Variants in GPR108 observed in about 807,000 individuals in gnomAD.
GPR108 encodes G protein-coupled receptor 108.
A neutral mutation model predicts 74.3 loss-of-function variants in GPR108; 60 were observed. The observed-to-expected ratio is 0.81, with a 90% CI of 0.66 to 1.00. GPR108 has a LOEUF of 1.00. Ranked by LOEUF, GPR108 falls within the 50% of genes least tolerant of loss-of-function variation. GPR108 has a pLI of 0.00. For missense variants in GPR108, 667 were observed against 703.3 expected (o/e 0.95, Z 0.58); for synonymous variants, 311 against 292.4 (o/e 1.06, Z -0.65).
chr19:6,732,170 G>T lies in GPR108; in HGVS notation c.1126-15C>A. ...TTGGCCAGGACCTGCGCAGGCGGCG[G>T]GGGTGGGTGGGCACTGCCTGGCACG... On this transcript the variant is annotated splice_polypyrimidine_tract_variant and intron_variant, in intron 12 of 17. Coordinates refer to ENST00000264080, the MANE Select transcript of GPR108 (RefSeq NM_001080452.2). 4 of 1,613,200 alleles carry T rather than the reference G, an allele frequency of 2.5e-6. No homozygotes were observed. The highest frequency in any genetic ancestry group is 2.5e-6 in the Non-Finnish European group (3 of 1,179,932).
intron 17 of GPR108, 78 bp downstream of exon 17, chr19:6,730,909 G>GGCCCCC: frequency 1.5e-6 from 1 of 662,532 alleles, no homozygotes. Flanking sequence ...CCTCCCCCCT[G>GGCCCCC]CCCACCCTGC....
At position 6,732,371 on chromosome 19, in the gene GPR108, G is replaced by C. The variant is rs191033811; in HGVS notation, c.1017C>G (p.Gly339=). 1.2e-6 allele frequency: 2 copies of C among 1,613,442 alleles called. No homozygotes were observed. Among genetic ancestry groups the C allele is most frequent in the Middle Eastern group, 1.6e-4 (1 of 6,062 alleles). ...GGGCGATGGTGATGAAGAGGAGGGC[G>C]CCCTTCAGCCTGAAGGAGCAGGGGA... is the stretch of plus-strand genomic sequence containing the variant. ...VMYYIAHLLK[G]ALLFITIALI... is the part of the protein sequence containing the mutation. Residue 339 remains glycine (G), a synonymous_variant, in exon 12 of 18, where the codon GGC becomes GGG. Coordinates refer to ENST00000264080, the MANE Select transcript of GPR108 (RefSeq NM_001080452.2).
chr19:6,734,399 G>T, intron 4 of GPR108, 92 bp from the exon 5 acceptor site: 1 of 1,283,462 alleles, frequency 7.8e-7, no homozygotes. Context: ...GACCCTCTGC[G>T]TGTCCTCCCT....
At chr19:6,735,195 A>G (rs1381633727) in intron 4 of GPR108, among the ~76,000 whole-genome samples, 2 of 152,166 alleles carry the variant, frequency 1.3e-5, no homozygotes, top group East Asian at 1.9e-4. Context: ...GGCCCTAAGT[A>G]TATTATTTAA....
rs375715188 is a variant in GPR108, at chr19:6,732,970, C to T, written c.933+17G>A. The T allele has an allele frequency of 5.1e-3, 8,056 of 1,570,952 alleles. 29 individuals are homozygous for T. Among genetic ancestry groups the T allele is most frequent in the Non-Finnish European group, 6.4e-3 (7,383 of 1,158,858 alleles). On this transcript the variant is annotated intron_variant, in intron 10 of 17. Coordinates refer to ENST00000264080, the MANE Select transcript of GPR108 (RefSeq NM_001080452.2). ...TTTCAGCCCACCCCCCGCTGCTCCC[C>T]GGTCCAAGGCTCTCACGCTGTGGAA...
intron 10 of GPR108, 39 bp from the exon 11 acceptor site, chr19:6,732,588 A>C: frequency 8.0e-6 from 10 of 1,256,368 alleles, no homozygotes; most frequent in Non-Finnish European, 1.2e-5. Flanking sequence ...AGGCGCACAG[A>C]GGGGTGGGAG....
Position 6,731,885 on chromosome 19 carries a change from C to T in GPR108, c.1300+6G>A. 6.2e-7 allele frequency: 1 copy of T among 1,611,654 alleles called. No homozygotes were observed. The highest frequency in any genetic ancestry group is 8.5e-7 in the Non-Finnish European group (1 of 1,179,442). ...GAGCAGAGGGCCTGCAGGCGCAGGG[C>T]CTCACCCTTCCCGTCTGTGCCAGAC... On this transcript the variant is annotated splice_donor_region_variant and intron_variant, in intron 14 of 17. Transcript: ENST00000264080.
At chr19:6,730,958 G>T in intron 17 of GPR108, 29 bp downstream of exon 17, 1 of 1,145,474 alleles carries the variant, frequency 8.7e-7, no homozygotes. Context: ...CCCCAGAGCC[G>T]CCGGCCCTGC....
intron 14 of GPR108, 37 bp downstream of exon 14, chr19:6,731,854 G>A: frequency 1.2e-6 from 2 of 1,608,766 alleles, no homozygotes; most frequent in Non-Finnish European, 1.7e-6. Flanking sequence ...GGAGGAATGG[G>A]GCCATGAGCA....
Position 6,732,589 on chromosome 19 carries a change from G to A in GPR108, c.934-40C>T, listed in dbSNP as rs1234677778. On this transcript the variant is annotated intron_variant, in intron 10 of 17. Coordinates refer to ENST00000264080, the MANE Select transcript of GPR108 (RefSeq NM_001080452.2). The stretch of plus-strand genomic sequence containing the variant: ...ACAGACGGACAGTGAGGCGCACAGA[G>A]GGGTGGGAGGCTGATGGTGGTGGTG... The A allele has an allele frequency of 2.0e-6, 3 of 1,499,640 alleles. No individual in the cohort carries two copies. The South Asian group carries it at 3.4e-5, about 17-fold the overall frequency. 92.9% of individuals were successfully genotyped at this position (1,499,640 alleles called of 1,614,324 possible).
In GPR108 at chr19:6,732,349, C is replaced by T. The variant is rs758270083; in HGVS notation, c.1039G>A (p.Ala347Thr). ...LKGALLFITI[A>T]LIGSGWAFIK... Reference sequence around the variant, plus strand: ...AAGGCCCAGCCTGAGCCAATCAGGGCGATGGTGATGAAGAGGAGGGCGCCC... The same window carrying T: ...AAGGCCCAGCCTGAGCCAATCAGGGTGATGGTGATGAAGAGGAGGGCGCCC... Residue 347 changes from alanine to threonine, a missense_variant, in exon 12 of 18, where the codon GCC becomes ACC. Physicochemically the swap from Ala to Thr is moderately conservative, Grantham distance 58 (BLOSUM62 0). Coordinates refer to ENST00000264080, the MANE Select transcript of GPR108 (RefSeq NM_001080452.2). The T allele has an allele frequency of 8.1e-6, 13 of 1,613,326 alleles. No individual in the cohort carries two copies. In the East Asian group the frequency reaches 1.3e-4, roughly 17 times the overall value.
At chr19:6,731,336 T>C in intron 15 of GPR108, 54 bp from the exon 16 acceptor site, 1 of 1,511,226 alleles carries the variant, frequency 6.6e-7, no homozygotes, top group East Asian at 2.3e-5. Context: ...CGGGCAGGCA[T>C]GGGGCTAGAC....
At chr19:6,735,553 G>A (rs1436673431) in intron 4 of GPR108, 69 bp downstream of exon 4, 1 of 1,324,488 alleles carries the variant, frequency 7.6e-7, no homozygotes, top group Non-Finnish European at 1.1e-6. Context: ...ATCAGCCCAG[G>A]TGCGTGTGGG....
At chr19:6,734,343 G>C (rs1009471198) in intron 4 of GPR108, 36 bp from the exon 5 acceptor site, 1 of 1,599,814 alleles carries the variant, frequency 6.3e-7, no homozygotes, top group Admixed American at 1.7e-5. Flanking sequence ...GAGGCTGGGG[G>C]GCTGAACTTG....
chr19:6,730,902 C>T, intron 17 of GPR108, 85 bp downstream of exon 17: 1 of 901,396 alleles, frequency 1.1e-6, no homozygotes, highest in Non-Finnish European at 1.7e-6. Flanking sequence ...TACAGTCCCT[C>T]CCCCCTGCCC....
chr19:6,731,055 C>T lies in GPR108; in HGVS notation c.1491G>A (p.Gln497=), dbSNP rs1382973994. 88 of 1,613,622 alleles carry T rather than the reference C, an allele frequency of 5.5e-5. 1 individual carries two copies. Among genetic ancestry groups the T allele is most frequent in the Non-Finnish European group, 7.3e-5 (86 of 1,179,910 alleles). Residue 497 remains glutamine, a synonymous_variant, in exon 17 of 18, where the codon CAG becomes CAA. Coordinates refer to ENST00000264080, the MANE Select transcript of GPR108 (RefSeq NM_001080452.2). The part of the protein sequence containing the change: ...AFFVLTGYKF[Q]PTGNNPYLQL... ...GCAGGTACGGGTTGTTTCCTGTGGG[C>T]TGGAACTTGTAGCCCGTGAGCACGA... is the stretch of plus-strand genomic sequence containing the variant.
chr19:6,734,848 CATTATT>C (rs111460609), intron 4 of GPR108, among the ~76,000 whole-genome samples: 7,774 of 139,618 alleles, frequency 0.056, 351 homozygotes, highest in African/African-American at 0.12. Context: ...GCCAGCCCTA[CATTATT>C]ATTATTATTA....
chr19:6,735,814 A>G, intron 3 of GPR108, 94 bp downstream of exon 3: 2 of 1,526,910 alleles, frequency 1.3e-6, no homozygotes, highest in South Asian at 2.3e-5. Flanking sequence ...TGCCTCTGAC[A>G]AAGAACAGGG....
Position 6,732,156 on chromosome 19 carries a change from C to G in GPR108, c.1126-1G>C. 1 of 1,613,532 alleles carries G rather than the reference C, an allele frequency of 6.2e-7. No individual in the cohort carries two copies. The highest frequency in any genetic ancestry group is 8.5e-7 in the Non-Finnish European group (1 of 1,179,970). ...TGATGTAGGCCACGTTGGCCAGGAC[C>G]TGCGCAGGCGGCGGGGGTGGGTGGG... On this transcript the variant is annotated splice_acceptor_variant, in intron 12 of 17. Coordinates refer to ENST00000264080, the MANE Select transcript of GPR108 (RefSeq NM_001080452.2). LOFTEE classifies it high-confidence loss of function.
Sources: allele counts gnomAD v4.1 joint callset (sites outside exome capture counted in the v4.1 genomes callset), GRCh38; gene constraint gnomAD v4.1.1; transcripts MANE v1.5; gene names NCBI Gene and HGNC (gene_info 2026-07-23, HGNC 2026-07-21).